The following CCDC85C variants were observed in gnomAD, a reference collection of about 807,000 sequenced individuals.
CCDC85C encodes the protein coiled-coil domain containing 85C, also known as coiled-coil domain-containing protein 85C.
Under a neutral mutation model 38.3 loss-of-function variants are expected in CCDC85C, and 18 were observed. That is an observed-to-expected ratio of 0.47 (90% CI 0.33 to 0.70). The LOEUF (loss-of-function observed/expected upper bound fraction) is 0.70, where lower values mean the gene tolerates loss of function less well. CCDC85C is among the 30% of genes least tolerant of loss of function. CCDC85C has a pLI of 0.03. For missense variants in CCDC85C, 566 were observed against 621.2 expected (o/e 0.91, Z 0.94); for synonymous variants, 264 against 293.8 (o/e 0.90, Z 1.04).
At chr14:99,595,219 C>T (rs143774442) in intron 1 of CCDC85C, among the ~76,000 whole-genome samples, 37 of 152,132 alleles carry the variant, frequency 2.4e-4, no homozygotes, top group African/African-American at 4.8e-4. Context: ...TGACTTTGCT[C>T]GGCTCTTCTT....
intron 1 of CCDC85C, among the ~76,000 whole-genome samples, chr14:99,573,262 G>T (rs972723728): frequency 6.6e-6 from 1 of 152,202 alleles, no homozygotes; most frequent in African/African-American, 2.4e-5. Flanking sequence ...TGAGCCATGG[G>T]TGGCCAGGAC....
In CCDC85C at chr14:99,544,655, C is replaced by G. The variant is rs961424494; in HGVS notation, c.794-8567G>C. ...GTGACGCAAGGTGACTTTCAGGGCC[C>G]AGGCTCCAGGGAGCGTCACTCTGAA... On this transcript the variant is annotated intron_variant, in intron 1 of 5. Coordinates refer to ENST00000380243, the MANE Select transcript of CCDC85C (RefSeq NM_001144995.2). The surrounding 1 kb of genome is among the most constrained non-coding windows in gnomAD (Gnocchi z 5.3). Among the ~76,000 whole-genome samples, 6 of 152,168 alleles carry G rather than the reference C, an allele frequency of 3.9e-5. No individual in the cohort carries two copies. Among genetic ancestry groups the G allele is most frequent in the African/African-American group, 1.2e-4 (5 of 41,446 alleles).
At position 99,588,790 on chromosome 14, in the gene CCDC85C, T is replaced by C. The variant is rs1305103018; in HGVS notation, c.793+14377A>G. ...CAAAAAAGCCCCCAAAAGTACTGGT[T>C]CTACTAGATGGAGGGAAGAGGCCAA... On this transcript the variant is annotated intron_variant, in intron 1 of 5. Transcript: ENST00000380243. The surrounding 1 kb of genome is among the most constrained non-coding windows in gnomAD (Gnocchi z 5.0). Among the ~76,000 whole-genome samples, 1 of 151,856 alleles carries C rather than the reference T, an allele frequency of 6.6e-6. No homozygotes were observed. The highest frequency in any genetic ancestry group is 1.5e-5 in the Non-Finnish European group (1 of 67,988).
chr14:99,522,067 C>A, intron 3 of CCDC85C, 66 bp downstream of exon 3: 1 of 1,290,972 alleles, frequency 7.7e-7, no homozygotes, highest in Non-Finnish European at 1.1e-6. Flanking sequence ...CCGGGCAGGT[C>A]ACTGGCCCGC....
intron 1 of CCDC85C, among the ~76,000 whole-genome samples, chr14:99,564,108 A>G (rs903364055): frequency 6.6e-5 from 10 of 152,258 alleles, no homozygotes; most frequent in South Asian, 4.1e-4. Flanking sequence ...TGACCAGATT[A>G]CGCTCCATAG....
intron 1 of CCDC85C, among the ~76,000 whole-genome samples, chr14:99,537,090 G>A (rs760282753): frequency 1.3e-5 from 2 of 152,130 alleles, no homozygotes; most frequent in African/African-American, 2.4e-5. Flanking sequence ...TGTGAGCCAC[G>A]AAGCCACCTG....
chr14:99,590,475 G>A lies in CCDC85C; in HGVS notation c.793+12692C>T, dbSNP rs376088479. On this transcript the variant is annotated intron_variant, in intron 1 of 5. Transcript: ENST00000380243. ...GGCCTGATGGGTTGTCGGGGGTACC[G>A]GGGGCCTCCAGGGCCATTGACAGCA... is the stretch of plus-strand genomic sequence containing the variant. Among the ~76,000 whole-genome samples, 51 of 152,290 alleles carry A rather than the reference G, an allele frequency of 3.3e-4. 1 individual carries two copies. The South Asian group carries it at 6.0e-3, about 18-fold the overall frequency.
chr14:99,502,090 T>G lies in CCDC85C; in HGVS notation c.*13156A>C. ...TTGAGTTTATTTATTTATAGTACTT[T>G]AATTAAATTTAGGGGAGAATAAGCA... On this transcript the variant is annotated 3_prime_UTR_variant, in exon 6 of 6. Coordinates refer to ENST00000380243, the MANE Select transcript of CCDC85C (RefSeq NM_001144995.2). 8.9e-7 allele frequency: 1 copy of G among 1,125,594 alleles called. No homozygotes were observed. The highest frequency in any genetic ancestry group is 1.2e-6 in the Non-Finnish European group (1 of 827,416). 69.7% of individuals were successfully genotyped at this position (1,125,594 alleles called of 1,614,324 possible). A position where few individuals can be genotyped will look rare whatever the true frequency, so the allele number is the denominator to read the frequency against.
At chr14:99,547,513 C>T (rs956461814) in intron 1 of CCDC85C, among the ~76,000 whole-genome samples, 4 of 152,140 alleles carry the variant, frequency 2.6e-5, no homozygotes, top group Non-Finnish European at 5.9e-5. Context: ...GTGGCTCATG[C>T]CTGTAATCCC....
rs896867744 is a variant in CCDC85C at position 99,594,523 on chromosome 14, G to A, written c.793+8644C>T. Among the ~76,000 whole-genome samples, 8 of 152,244 alleles carry A rather than the reference G, an allele frequency of 5.3e-5. No homozygotes were observed. In the East Asian group the frequency reaches 5.8e-4, roughly 11 times the overall value. On this transcript the variant is annotated intron_variant, in intron 1 of 5. Coordinates refer to ENST00000380243, the MANE Select transcript of CCDC85C (RefSeq NM_001144995.2). ...GCCCCAAGGCAAGGACCAACCACGA[G>A]GCAGGTGATAAAACCCAGGCTGTAG...
At position 99,572,066 on chromosome 14, in the gene CCDC85C, C is replaced by T. The variant is rs1019995044; in HGVS notation, c.793+31101G>A. 3.3e-5 allele frequency among the ~76,000 whole-genome samples: 5 copies of T among 152,180 alleles called. No individual in the cohort carries two copies. The highest frequency in any genetic ancestry group is 1.9e-4 in the East Asian group (1 of 5,182). The stretch of plus-strand genomic sequence containing the variant: ...GCATCTCAGAGCGTGATCCCCAGAG[C>T]CCCCAACCCTAACCCAGCACCCGCA... On this transcript the variant is annotated intron_variant, in intron 1 of 5. Transcript: ENST00000380243. The surrounding 1 kb of genome is among the most constrained non-coding windows in gnomAD (Gnocchi z 4.4).
At chr14:99,529,248 C>T (rs1285685032) in intron 2 of CCDC85C, among the ~76,000 whole-genome samples, 1 of 152,164 alleles carries the variant, frequency 6.6e-6, no homozygotes, top group Admixed American at 6.5e-5. Context: ...GCAGACCAGT[C>T]TTGTCCACCA....
At chr14:99,526,961 C>T (rs529646557) in intron 2 of CCDC85C, among the ~76,000 whole-genome samples, 5 of 152,172 alleles carry the variant, frequency 3.3e-5, no homozygotes, top group East Asian at 1.9e-4. Flanking sequence ...TAAAGCCCAC[C>T]GAGATCCAGC....
At position 99,533,544 on chromosome 14, in the gene CCDC85C, C is replaced by T. The variant is rs1897533143; in HGVS notation, c.867+2471G>A. On this transcript the variant is annotated intron_variant, in intron 2 of 5. Coordinates refer to ENST00000380243, the MANE Select transcript of CCDC85C (RefSeq NM_001144995.2). The surrounding 1 kb of genome is among the most constrained non-coding windows in gnomAD (Gnocchi z 4.2). ...ACAGTGGGTTTCTGTCCCTAAATTC[C>T]AGTCCAACTGCCTGCAGCCAGCAAG... is the stretch of plus-strand genomic sequence containing the variant. 1.3e-5 allele frequency among the ~76,000 whole-genome samples: 2 copies of T among 152,270 alleles called. No homozygotes were observed. Among genetic ancestry groups the T allele is most frequent in the Admixed American group, 6.5e-5 (1 of 15,292 alleles).
intron 1 of CCDC85C, among the ~76,000 whole-genome samples, chr14:99,551,559 A>G (rs1176394850): frequency 6.7e-6 from 1 of 149,838 alleles, no homozygotes; most frequent in Admixed American, 6.6e-5. Flanking sequence ...GTGAGTGTGC[A>G]GGTGGGTGTG....
intron 1 of CCDC85C, among the ~76,000 whole-genome samples, chr14:99,541,594 C>A (rs1441518973): frequency 6.6e-6 from 1 of 152,142 alleles, no homozygotes; most frequent in Non-Finnish European, 1.5e-5. Flanking sequence ...TGCCGGTGAG[C>A]TCTAGGGCTC....
chr14:99,602,690 C>G (rs1253160433), intron 1 of CCDC85C, among the ~76,000 whole-genome samples: 1 of 152,160 alleles, frequency 6.6e-6, no homozygotes, highest in Non-Finnish European at 1.5e-5. Flanking sequence ...AATCCCCACA[C>G]CCCACTGCAG....
In CCDC85C at chr14:99,507,322, A is replaced by G; in HGVS notation, c.*7924T>C. 1.6e-6 allele frequency: 1 copy of G among 617,476 alleles called. No individual in the cohort carries two copies. Among genetic ancestry groups the G allele is most frequent in the Non-Finnish European group, 2.9e-6 (1 of 342,950 alleles). 38.2% of individuals were successfully genotyped at this position (617,476 alleles called of 1,614,324 possible). A position where few individuals can be genotyped will look rare whatever the true frequency, so the allele number is the denominator to read the frequency against. On this transcript the variant is annotated 3_prime_UTR_variant, in exon 6 of 6. Transcript: ENST00000380243. Reference sequence around the variant, plus strand: ...CTGGGCACAATGGCTTGTGTTTTTGATCCCAGCACTTTGGGAGGCGGAGGC... The same window carrying G: ...CTGGGCACAATGGCTTGTGTTTTTGGTCCCAGCACTTTGGGAGGCGGAGGC...
intron 1 of CCDC85C, among the ~76,000 whole-genome samples, chr14:99,570,512 G>T (rs914946956): frequency 2.0e-5 from 3 of 152,204 alleles, no homozygotes; most frequent in Non-Finnish European, 4.4e-5. Flanking sequence ...GAGCCCAGAC[G>T]GCAGGGGCTC....
Sources: allele counts gnomAD v4.1 joint callset (sites outside exome capture counted in the v4.1 genomes callset), GRCh38; gene constraint gnomAD v4.1.1; non-coding constraint Gnocchi (gnomAD v3.1); transcripts MANE v1.5; gene names NCBI Gene and HGNC (gene_info 2026-07-23, HGNC 2026-07-21).